The following ABL1 variants were observed in gnomAD, a reference collection of about 807,000 sequenced individuals.
ABL1 encodes tyrosine-protein kinase ABL1.
ABL1 carries 11 observed loss-of-function variants against 94.7 expected under a neutral mutation model. That is an observed-to-expected ratio of 0.12 (90% CI 0.07 to 0.19). The LOEUF (loss-of-function observed/expected upper bound fraction) is 0.19, where lower values mean the gene tolerates loss of function less well. ABL1 is among the 10% of genes least tolerant of loss of function. ABL1 has a pLI of 1.00. For synonymous variants in ABL1, 656 were observed against 622.4 expected, an observed-to-expected ratio of 1.05 and a Z score of -0.80; for missense variants, 1,082 against 1,489.4, an observed-to-expected ratio of 0.73 and a Z score of 4.50.
chr9:130,810,666 G>A (rs998112308), intron 1 of ABL1, among the ~76,000 whole-genome samples: 3 of 151,854 alleles, frequency 2.0e-5, no homozygotes, highest in Non-Finnish European at 2.9e-5. Flanking sequence ...TCAGTAAAGT[G>A]AGGGACAACA....
chr9:130,770,428 G>C (rs1180176339), intron 1 of ABL1, among the ~76,000 whole-genome samples: 1 of 152,140 alleles, frequency 6.6e-6, no homozygotes, highest in Non-Finnish European at 1.5e-5. Context: ...GATCACCTGA[G>C]CCCAGGAGTT....
In ABL1 at chr9:130,809,413, A is replaced by AGT. The variant is rs776751811; in HGVS notation, c.137-44650_137-44649insTG. Among the ~76,000 whole-genome samples, 18 of 112,704 alleles carry AGT rather than the reference A, an allele frequency of 1.6e-4. No homozygotes were observed. In the East Asian group the frequency reaches 3.3e-3, roughly 21 times the overall value. The allele number at this position is 112,704 out of a possible 152,430, so 73.9% of individuals were successfully genotyped here. ...GAGAGAGAGAGAGAGAGAGAGAGAG[A>AGT]GAGAGTGTGTGTGTGTGTGTGTGTG... is the stretch of plus-strand genomic sequence containing the variant. On this transcript the variant is annotated intron_variant, in intron 1 of 10. Transcript: ENST00000372348.
chr9:130,800,458 A>G (rs1265270533), intron 1 of ABL1, among the ~76,000 whole-genome samples: 1 of 148,316 alleles, frequency 6.7e-6, no homozygotes, highest in Non-Finnish European at 1.5e-5. Flanking sequence ...CCAAAAACCT[A>G]TTGAAAAAAA....
rs759454910 is a variant in ABL1, at chr9:130,872,107, C to G, written c.823-22C>G. On this transcript the variant is annotated intron_variant, in intron 4 of 10. Coordinates refer to ENST00000318560, the MANE Select transcript of ABL1 (RefSeq NM_005157.6). This position sits in a 1 kb window ranked among gnomAD's most constrained non-coding sequence, Gnocchi z 5.0. The stretch of plus-strand genomic sequence containing the variant: ...AAAGCACTTCCTGAAATAATTTCAC[C>G]TTCGTTTTTTTCCTTCTGCAGGAGG... 6.2e-7 allele frequency: 1 copy of G among 1,611,208 alleles called. No individual in the cohort carries two copies. Among genetic ancestry groups the G allele is most frequent in the Non-Finnish European group, 8.5e-7 (1 of 1,177,808 alleles).
At chr9:130,785,427 T>G (rs928916512) in intron 1 of ABL1, among the ~76,000 whole-genome samples, 9 of 152,176 alleles carry the variant, frequency 5.9e-5, no homozygotes, top group African/African-American at 2.2e-4. Flanking sequence ...TGCTGTGTGT[T>G]CCTGTGGAGC....
chr9:130,833,554 C>A (rs1228527967), upstream of ABL1, among the ~76,000 whole-genome samples: 2 of 152,210 alleles, frequency 1.3e-5, no homozygotes. Flanking sequence ...TCCTGCATCT[C>A]CAGATGATGG....
intron 3 of ABL1, among the ~76,000 whole-genome samples, chr9:130,861,330 T>C (rs888919888): frequency 6.6e-6 from 1 of 152,240 alleles, no homozygotes; most frequent in Non-Finnish European, 1.5e-5. Flanking sequence ...AGGAATTCAC[T>C]TGTGTTATCT....
At chr9:130,757,310 CA>C (rs1564281241) in intron 1 of ABL1, among the ~76,000 whole-genome samples, 1 of 152,116 alleles carries the variant, frequency 6.6e-6, no homozygotes, top group East Asian at 1.9e-4. Context: ...TCTGTAATCC[CA>C]GCCCTTTGGG....
intron 1 of ABL1, among the ~76,000 whole-genome samples, chr9:130,721,417 A>G (rs1831512282): frequency 1.3e-5 from 2 of 150,752 alleles, no homozygotes. Context: ...TACTCTTAAA[A>G]TTATACTAAG....
intron 7 of ABL1, among the ~76,000 whole-genome samples, chr9:130,876,945 G>A (rs1421702354): frequency 6.8e-6 from 1 of 146,456 alleles, no homozygotes; most frequent in Non-Finnish European, 1.5e-5. Flanking sequence ...CACTGCGTTA[G>A]CCAGGATGGT....
chr9:130,771,929 T>C (rs1832258491), intron 1 of ABL1, among the ~76,000 whole-genome samples: 1 of 151,962 alleles, frequency 6.6e-6, no homozygotes, highest in Non-Finnish European at 1.5e-5. Flanking sequence ...AAGTTTTGTA[T>C]TTTCAGTAGA....
At chr9:130,860,549 T>G (rs1831054879) in intron 3 of ABL1, among the ~76,000 whole-genome samples, 1 of 152,166 alleles carries the variant, frequency 6.6e-6, no homozygotes, top group Non-Finnish European at 1.5e-5. Flanking sequence ...GGAACGCTCC[T>G]TTGAGGCCCA....
chr9:130,781,369 C>T (rs1829753419), intron 1 of ABL1, among the ~76,000 whole-genome samples: 1 of 152,190 alleles, frequency 6.6e-6, no homozygotes, highest in Non-Finnish European at 1.5e-5. Flanking sequence ...GCCCCATCCC[C>T]ACCCTCAGGC....
chr9:130,734,006 T>A (rs1009357027), intron 1 of ABL1, among the ~76,000 whole-genome samples: 1 of 152,164 alleles, frequency 6.6e-6, no homozygotes, highest in Non-Finnish European at 1.5e-5. Context: ...TAGGGTTACA[T>A]TGCTGATTAG....
intron 3 of ABL1, among the ~76,000 whole-genome samples, chr9:130,860,729 A>G (rs11244164): frequency 0.31 from 46,938 of 152,080 alleles, 11,583 homozygotes; most frequent in African/African-American, 0.69. Flanking sequence ...GGCTTTTCTC[A>G]CTTCTCTAGA....
chr9:130,876,322 T>G (rs1020826414), intron 7 of ABL1, among the ~76,000 whole-genome samples: 2 of 152,174 alleles, frequency 1.3e-5, no homozygotes, highest in African/African-American at 4.8e-5. Context: ...GTGTGGTTAC[T>G]CAGTGGTACA....
intron 1 of ABL1, among the ~76,000 whole-genome samples, chr9:130,762,909 CAA>C (rs5900905): frequency 1.7e-4 from 16 of 92,840 alleles, no homozygotes; most frequent in Non-Finnish European, 2.3e-4. Context: ...GACTCCGTCT[CAA>C]AAAAAAAAAA....
chr9:130,784,554 G>T (rs142193255), intron 1 of ABL1, among the ~76,000 whole-genome samples: 1 of 152,276 alleles, frequency 6.6e-6, no homozygotes, highest in East Asian at 1.9e-4. Context: ...CCAGCATCTG[G>T]TCTTGGGGGA....
intron 1 of ABL1, among the ~76,000 whole-genome samples, chr9:130,827,365 G>A (rs1369667306): frequency 2.0e-5 from 3 of 152,132 alleles, no homozygotes; most frequent in Non-Finnish European, 2.9e-5. Flanking sequence ...TTGAAAAAGC[G>A]AGTTTACCAT....
Sources: allele counts gnomAD v4.1 joint callset (sites outside exome capture counted in the v4.1 genomes callset), GRCh38; gene constraint gnomAD v4.1.1; non-coding constraint Gnocchi (gnomAD v3.1); transcripts MANE v1.5; gene names NCBI Gene and HGNC (gene_info 2026-07-23, HGNC 2026-07-21).